The following EFCAB8 variants were observed in gnomAD, a reference collection of about 807,000 sequenced individuals.
EFCAB8 encodes EF-hand calcium binding domain 8.
EFCAB8 carries 100 observed loss-of-function variants against 116.3 expected under a neutral mutation model. The ratio of observed to expected loss-of-function variants is 0.86; its 90% confidence interval spans 0.73 to 1.02. The LOEUF is 1.02. Ranked by LOEUF, EFCAB8 falls within the 50% of genes least tolerant of loss-of-function variation. The pLI is 0.00. For missense variants in EFCAB8, 1,320 were observed against 1,416.9 expected, an observed-to-expected ratio of 0.93 and a Z score of 1.10; for synonymous variants, 558 against 567.9, an observed-to-expected ratio of 0.98 and a Z score of 0.25.
intron 20 of EFCAB8, among the ~76,000 whole-genome samples, chr20:32,928,816 T>C (rs1437623963): frequency 6.6e-6 from 1 of 152,172 alleles, no homozygotes; most frequent in African/African-American, 2.4e-5. Flanking sequence ...TTCAGTCTTT[T>C]ACTATTGAGT....
chr20:32,921,598 A>G (rs1197912667), intron 20 of EFCAB8, among the ~76,000 whole-genome samples: 3 of 152,088 alleles, frequency 2.0e-5, no homozygotes, highest in African/African-American at 7.2e-5. Flanking sequence ...AGTGTATGTA[A>G]ATGAAAAAAT....
At chr20:32,883,123 G>C (rs1381766059) in intron 5 of EFCAB8, among the ~76,000 whole-genome samples, 1 of 152,128 alleles carries the variant, frequency 6.6e-6, no homozygotes, top group South Asian at 2.1e-4. Context: ...GAGTCATTGC[G>C]CCTGGCCAAC....
chr20:32,921,054 G>T (rs975550904), intron 20 of EFCAB8, among the ~76,000 whole-genome samples: 1 of 152,140 alleles, frequency 6.6e-6, no homozygotes, highest in African/African-American at 2.4e-5. Context: ...TTGAGTTAGG[G>T]TGTGGCTGGC....
rs1178349840 is a variant in EFCAB8 at position 32,889,342 on chromosome 20, C to A, written c.609C>A (p.Val203=). 6.4e-7 allele frequency: 1 copy of A among 1,551,812 alleles called. No individual in the cohort carries two copies. The highest frequency in any genetic ancestry group is 8.7e-7 in the Non-Finnish European group (1 of 1,147,010). ...AGCTCTACAACCAGCCGATGTGGGT[C>A]ATTGACATGGTATGTCTGCACAATA... ...TQQLYNQPMW[V]IDMVCLHNMN... Residue 203 remains valine, a synonymous_variant, in exon 7 of 27, where the codon GTC becomes GTA. Transcript: ENST00000400522.
rs376296572 is a variant in EFCAB8 at position 32,961,159 on chromosome 20, C to T, written c.3417C>T (p.Ser1139=). 47 of 1,552,142 alleles carry T rather than the reference C, an allele frequency of 3.0e-5. No homozygotes were observed. The highest frequency in any genetic ancestry group is 4.0e-5 in the Non-Finnish European group (46 of 1,147,108). Residue 1139 remains serine (S), a synonymous_variant, in exon 27 of 27, where the codon AGC becomes AGT. Transcript: ENST00000400522. ...KHQISPQVYQ[S]LHFSDLMPTQ... ...AGATCTCGCCTCAGGTCTACCAAAG[C>T]CTGCACTTCAGTGATCTGATGCCGA... is the stretch of plus-strand genomic sequence containing the variant.
At chr20:32,916,216 A>C (rs1247106840) in intron 17 of EFCAB8, among the ~76,000 whole-genome samples, 4 of 152,162 alleles carry the variant, frequency 2.6e-5, no homozygotes, top group Non-Finnish European at 5.9e-5. Flanking sequence ...CCATTTTCTC[A>C]CATGGTAGAG....
chr20:32,915,248 CTT>C (rs1194878841), intron 17 of EFCAB8, among the ~76,000 whole-genome samples: 8 of 152,144 alleles, frequency 5.3e-5, no homozygotes, highest in Non-Finnish European at 1.0e-4. Context: ...CCATTTGTCT[CTT>C]GTTGCATTTT....
At chr20:32,935,446 C>T (rs185439582) in intron 22 of EFCAB8, among the ~76,000 whole-genome samples, 91 of 151,850 alleles carry the variant, frequency 6.0e-4, no homozygotes, top group African/African-American at 2.1e-3. Flanking sequence ...GTGATCTGCC[C>T]GCCTTGGCCT....
chr20:32,961,524 TTGTC>T lies in EFCAB8; in HGVS notation c.3784_3787del (p.Val1262ProfsTer10). On this transcript the variant is annotated frameshift_variant, in exon 27 of 27. Coordinates refer to ENST00000400522, the MANE Select transcript of EFCAB8 (RefSeq NM_001143967.2). LOFTEE classifies it low-confidence loss of function (END_TRUNC). ...CAGGGGTCAGTGACCCCCAAGCACA[TTGTC>T]TCCTCCTTCGAGCGGCCCCCAAGGC... 1 of 1,419,104 alleles carries T rather than the reference TTGTC, an allele frequency of 7.0e-7. No homozygotes were observed. Among genetic ancestry groups the T allele is most frequent in the Non-Finnish European group, 9.2e-7 (1 of 1,083,706 alleles). 87.9% of individuals were successfully genotyped at this position (1,419,104 alleles called of 1,614,324 possible).
chr20:32,875,654 A>G (rs6057665), intron 3 of EFCAB8, among the ~76,000 whole-genome samples: 62,633 of 150,894 alleles, frequency 0.42, 15,172 homozygotes, highest in Non-Finnish European at 0.55. Context: ...GCAGGTACCC[A>G]CCACTGTGCC....
chr20:32,931,654 A>C (rs1325142195), intron 22 of EFCAB8, among the ~76,000 whole-genome samples: 1 of 152,176 alleles, frequency 6.6e-6, no homozygotes, highest in Non-Finnish European at 1.5e-5. Flanking sequence ...GCTACTCAGG[A>C]GGCTGAGGCA....
At chr20:32,937,465 C>T (rs566871637) in intron 22 of EFCAB8, among the ~76,000 whole-genome samples, 11 of 152,104 alleles carry the variant, frequency 7.2e-5, no homozygotes, top group Non-Finnish European at 1.6e-4. Context: ...AAGACACAAA[C>T]TACTAAAGCT....
At chr20:32,957,371 C>CTAA (rs1385031519) in intron 23 of EFCAB8, among the ~76,000 whole-genome samples, 1 of 151,642 alleles carries the variant, frequency 6.6e-6, no homozygotes, top group East Asian at 1.9e-4. Context: ...ATTGTAAAGA[C>CTAA]TTTAGTTGAT....
At chr20:32,919,448 A>C (rs773990721) in intron 19 of EFCAB8, among the ~76,000 whole-genome samples, 13 of 152,108 alleles carry the variant, frequency 8.5e-5, no homozygotes, top group Non-Finnish European at 1.9e-4. Flanking sequence ...ACTGTTTTCA[A>C]ATCTTCTAGG....
At chr20:32,930,086 C>T (rs1568936338) in intron 20 of EFCAB8, among the ~76,000 whole-genome samples, 1 of 152,156 alleles carries the variant, frequency 6.6e-6, no homozygotes, top group South Asian at 2.1e-4. Flanking sequence ...GAGCCTATGT[C>T]GAATCAAACT....
Position 32,899,162 on chromosome 20 carries a change from G to A in EFCAB8, c.1088+539G>A, listed in dbSNP as rs185002950. 7.3e-3 allele frequency among the ~76,000 whole-genome samples: 1,113 copies of A among 152,030 alleles called. 14 individuals carry two copies. The highest frequency in any genetic ancestry group is 0.026 in the African/African-American group (1,065 of 41,454). ...GCACTTTGGGAAGCCGAGGTGGGTG[G>A]ATCATGAGGTCAGGAGATCGAGACC... On this transcript the variant is annotated intron_variant, in intron 11 of 26. Coordinates refer to ENST00000400522, the MANE Select transcript of EFCAB8 (RefSeq NM_001143967.2).
intron 3 of EFCAB8, among the ~76,000 whole-genome samples, chr20:32,870,110 A>G (rs942365019): frequency 1.3e-5 from 2 of 152,148 alleles, no homozygotes; most frequent in African/African-American, 4.8e-5. Context: ...TTACAACCAC[A>G]CTGTGATGTG....
intron 2 of EFCAB8, among the ~76,000 whole-genome samples, chr20:32,864,467 C>T (rs886738907): frequency 9.9e-5 from 15 of 152,050 alleles, no homozygotes; most frequent in Non-Finnish European, 1.8e-4. Flanking sequence ...CTGTGGTCCC[C>T]GCTACTCCAG....
chr20:32,883,784 G>A (rs888100350), intron 5 of EFCAB8, among the ~76,000 whole-genome samples: 4 of 151,986 alleles, frequency 2.6e-5, no homozygotes, highest in African/African-American at 4.8e-5. Flanking sequence ...TCTGTCTCCC[G>A]GGTTCAAGCG....
Sources: gnomAD v4.1 joint callset for allele counts (sites outside exome capture counted in the v4.1 genomes callset) on GRCh38, gnomAD v4.1.1 for gene constraint, MANE v1.5 for transcripts, NCBI Gene and HGNC (gene_info 2026-07-23, HGNC 2026-07-21) for gene names.